GSE1: variants seen among roughly 807,000 people sequenced by gnomAD.
The protein encoded by GSE1 is genetic suppressor element 1.
GSE1 carries 32 observed loss-of-function variants against 112.6 expected under a neutral mutation model. That is an observed-to-expected ratio of 0.28 (90% CI 0.21 to 0.38). The LOEUF (loss-of-function observed/expected upper bound fraction) is 0.38, where lower values mean the gene tolerates loss of function less well. Among genes scored for constraint, GSE1 ranks in the 10% least tolerant of loss-of-function variants. The pLI is 1.00. For synonymous variants in GSE1, 1,115 were observed against 735.6 expected (o/e 1.52, Z -8.35); for missense variants, 2,348 against 1,699.2 (o/e 1.38, Z -6.71).
chr16:85,365,051 G>C (rs2047158902), intron 2 of GSE1, among the ~76,000 whole-genome samples: 1 of 152,216 alleles, frequency 6.6e-6, no homozygotes, highest in Admixed American at 6.5e-5. Context: ...AGGGCTGGGA[G>C]CTCTCATCTT....
At chr16:85,304,765 C>G (rs8060622) in intron 1 of GSE1, among the ~76,000 whole-genome samples, 3 of 151,958 alleles carry the variant, frequency 2.0e-5, no homozygotes, top group Non-Finnish European at 4.4e-5. Flanking sequence ...CTCGACTTCA[C>G]TGGGGATAAG....
rs1375352314 is a variant in GSE1 at position 85,673,300 on chromosome 16, T to TCAAAGGTGCTTCAGC, written c.*763_*777dup. On this transcript the variant is annotated 3_prime_UTR_variant, in exon 16 of 16. Coordinates refer to ENST00000253458, the MANE Select transcript of GSE1 (RefSeq NM_014615.5). The stretch of plus-strand genomic sequence containing the variant: ...ACAGACGTAAATTTTGAGAGAAAAG[T>TCAAAGGTGCTTCAGC]CAAAGGTGCTTCAGCCTTGTACTGT... The TCAAAGGTGCTTCAGC allele has an allele frequency of 3.9e-5, 6 of 152,472 alleles. No homozygotes were observed. The highest frequency in any genetic ancestry group is 7.2e-5 in the African/African-American group (3 of 41,400). 9.4% of individuals were successfully genotyped at this position (152,472 alleles called of 1,614,324 possible). A position where few individuals can be genotyped will look rare whatever the true frequency, so the allele number is the denominator to read the frequency against.
At chr16:85,407,916 C>A (rs2048350685) in intron 2 of GSE1, among the ~76,000 whole-genome samples, 1 of 46,738 alleles carries the variant, frequency 2.1e-5, no homozygotes, top group Admixed American at 1.8e-4. Context: ...GGATAATCCT[C>A]ACCGTTACTC....
intron 2 of GSE1, among the ~76,000 whole-genome samples, chr16:85,396,239 G>C (rs954320817): frequency 2.6e-5 from 4 of 152,182 alleles, no homozygotes; most frequent in Non-Finnish European, 5.9e-5. Flanking sequence ...AGGATAACAC[G>C]CTGTCCTGCT....
At chr16:85,297,096 T>C (rs979073815) in intron 1 of GSE1, among the ~76,000 whole-genome samples, 1 of 152,004 alleles carries the variant, frequency 6.6e-6, no homozygotes, top group African/African-American at 2.4e-5. Flanking sequence ...GGTTGGGGGG[T>C]GCAGTGATGC....
chr16:85,214,607 A>G (rs2075279314), intron 1 of GSE1, among the ~76,000 whole-genome samples: 1 of 151,980 alleles, frequency 6.6e-6, no homozygotes, highest in South Asian at 2.1e-4. Flanking sequence ...GTTTTAAGCC[A>G]CCAGATGGTG....
chr16:85,280,615 C>T (rs2044829508), intron 1 of GSE1, among the ~76,000 whole-genome samples: 1 of 152,130 alleles, frequency 6.6e-6, no homozygotes, highest in South Asian at 2.1e-4. Context: ...AGGCCGCTCT[C>T]GAACTTCTGA....
Position 85,654,884 on chromosome 16 carries a change from C to T in GSE1, c.690C>T (p.Asp230=), listed in dbSNP as rs777067014. The T allele has an allele frequency of 7.4e-6, 12 of 1,611,638 alleles. No individual in the cohort carries two copies. Among genetic ancestry groups the T allele is most frequent in the African/African-American group, 5.3e-5 (4 of 74,860 alleles). The change falls in exon 5 of 16, where the codon GAC becomes GAT. Residue 230 remains aspartate, a synonymous_variant. Transcript: ENST00000253458. ...RSFRPYHTTD[D]LRMSSLPPLG... is the part of the protein sequence containing the mutation. ...TCCGGCCCTACCACACCACCGACGA[C>T]CTCCGCATGTCCTCACTGCCTCCCC...
intron 1 of GSE1, among the ~76,000 whole-genome samples, chr16:85,214,673 C>A (rs75086689): frequency 6.6e-6 from 1 of 152,184 alleles, no homozygotes; most frequent in Non-Finnish European, 1.5e-5. Context: ...TGAGGCCTCC[C>A]TCTCTGGCCT....
intron 2 of GSE1, among the ~76,000 whole-genome samples, chr16:85,358,627 G>C (rs2047002121): frequency 6.6e-6 from 1 of 152,188 alleles, no homozygotes; most frequent in South Asian, 2.1e-4. Context: ...CTTTGATCTG[G>C]GACCTCCATC....
intron 2 of GSE1, among the ~76,000 whole-genome samples, chr16:85,644,154 C>T (rs1025995641): frequency 1.3e-5 from 2 of 151,920 alleles, no homozygotes; most frequent in Non-Finnish European, 2.9e-5. Flanking sequence ...ACAGCGAGAC[C>T]CTGTCTCTAC....
At chr16:85,305,821 G>A (rs1309081102) in intron 1 of GSE1, among the ~76,000 whole-genome samples, 1 of 152,114 alleles carries the variant, frequency 6.6e-6, no homozygotes, top group Non-Finnish European at 1.5e-5. Context: ...CGCACATGGT[G>A]TCTCACACTT....
Position 85,254,083 on chromosome 16 carries a change from A to T in GSE1, c.2283+82276A>T, listed in dbSNP as rs531164977. Among the ~76,000 whole-genome samples, 12 of 152,214 alleles carry T rather than the reference A, an allele frequency of 7.9e-5. No homozygotes were observed. In the East Asian group the frequency reaches 2.3e-3, roughly 29 times the overall value. On this transcript the variant is annotated intron_variant, in intron 1 of 2. Coordinates refer to the GSE1 transcript ENST00000637419. The stretch of plus-strand genomic sequence containing the variant: ...TGGGGCATAGCCTCAGCACCATCCG[A>T]TTGCCAGCCCGTATGGGGCACTTAC...
chr16:85,580,747 C>T (rs2151382211), intron 1 of GSE1, among the ~76,000 whole-genome samples: 1 of 152,300 alleles, frequency 6.6e-6, no homozygotes, highest in Middle Eastern at 3.4e-3. Context: ...AGGGTGGGCC[C>T]CTGCTCTGCT....
At chr16:85,214,281 G>A (rs2075274235) in intron 1 of GSE1, among the ~76,000 whole-genome samples, 1 of 152,214 alleles carries the variant, frequency 6.6e-6, no homozygotes, top group Non-Finnish European at 1.5e-5. Context: ...GAACCTGTGA[G>A]TGTGACCTTG....
intron 2 of GSE1, among the ~76,000 whole-genome samples, chr16:85,644,926 T>G (rs1041752286): frequency 1.3e-5 from 2 of 151,952 alleles, no homozygotes; most frequent in Non-Finnish European, 2.9e-5. Flanking sequence ...AAAGTGAACT[T>G]TTTCTCAAAA....
Position 85,616,956 on chromosome 16 carries a change from A to T in GSE1, c.7+3558A>T, listed in dbSNP as rs534957185. Among the ~76,000 whole-genome samples, 46 of 152,160 alleles carry T rather than the reference A, an allele frequency of 3.0e-4. 1 individual carries two copies. In the South Asian group the frequency reaches 9.6e-3, roughly 32 times the overall value. ...CCCTTTGCATGCCTGCCAAACGCAC[A>T]CTCGGGGGCCTTTTAATCTTGCTTC... On this transcript the variant is annotated intron_variant, in intron 1 of 15. Coordinates refer to ENST00000253458, the MANE Select transcript of GSE1 (RefSeq NM_014615.5).
chr16:85,278,164 T>C (rs4075456), intron 1 of GSE1, among the ~76,000 whole-genome samples: 41,606 of 152,160 alleles, frequency 0.27, 5,901 homozygotes, highest in East Asian at 0.33. Context: ...GGGTCTGAAT[T>C]CAAGCTGGTG....
rs984030044 is a variant in GSE1 at position 85,637,993 on chromosome 16, C to T, written c.226+3861C>T. Among the ~76,000 whole-genome samples the T allele has an allele frequency of 1.4e-4, 21 of 152,320 alleles. No individual in the cohort carries two copies. The East Asian group carries it at 1.9e-3, about 14-fold the overall frequency. On this transcript the variant is annotated intron_variant, in intron 2 of 15. Coordinates refer to ENST00000253458, the MANE Select transcript of GSE1 (RefSeq NM_014615.5). ...GGCAGGAGAGGTGGCAGAGCTGGCG[C>T]ACCCAGGGAACAGCAGAGGCTGTGC...
Sources: gnomAD v4.1 joint callset for allele counts (sites outside exome capture counted in the v4.1 genomes callset) on GRCh38, gnomAD v4.1.1 for gene constraint, MANE v1.5 for transcripts, NCBI Gene and HGNC (gene_info 2026-07-23, HGNC 2026-07-21) for gene names.